ZNF565: variants seen among roughly 807,000 people sequenced by gnomAD.
ZNF565 encodes the protein zinc finger protein 565.
Under a neutral mutation model 39.4 loss-of-function variants are expected in ZNF565, and 27 were observed. The observed-to-expected ratio is 0.69, with a 90% CI of 0.51 to 0.95. The LOEUF (loss-of-function observed/expected upper bound fraction) is 0.95. Among genes scored for constraint, ZNF565 ranks in the 40% least tolerant of loss-of-function variants. The pLI, the probability that ZNF565 is intolerant of heterozygous loss-of-function variation, is 0.00. For synonymous variants in ZNF565, 185 were observed against 216.6 expected (o/e 0.85, Z 1.28); for missense variants, 524 against 621.1 (o/e 0.84, Z 1.66).
chr19:36,237,185 TTCTC>T (rs750858591), intron 1 of ZNF565: 1 of 1,614,160 alleles, frequency 6.2e-7, no homozygotes, highest in Non-Finnish European at 8.5e-7. Context: ...TGGGAAAGCT[TTCTC>T]TCAGTTCTCA....
chr19:36,197,234 TGCACTCCA>T (rs1975793868), intron 2 of ZNF565, among the ~76,000 whole-genome samples: 1 of 152,000 alleles, frequency 6.6e-6, no homozygotes, highest in Non-Finnish European at 1.5e-5. Flanking sequence ...ATTGTGCTAC[TGCACTCCA>T]GCCTGGGTGA....
At chr19:36,229,499 T>C (rs1424079030) in intron 1 of ZNF565, among the ~76,000 whole-genome samples, 2 of 152,208 alleles carry the variant, frequency 1.3e-5, no homozygotes, top group Non-Finnish European at 2.9e-5. Context: ...TCTTGACTCT[T>C]AGTCCTGCAG....
At chr19:36,204,721 G>A (rs1489987778) in intron 1 of ZNF565, among the ~76,000 whole-genome samples, 5 of 152,180 alleles carry the variant, frequency 3.3e-5, no homozygotes, top group African/African-American at 9.7e-5. Flanking sequence ...CAGGTGTGGT[G>A]GCTCACGCCT....
At chr19:36,239,369 G>A (rs2145477725) in intron 1 of ZNF565, among the ~76,000 whole-genome samples, 1 of 147,370 alleles carries the variant, frequency 6.8e-6, no homozygotes, top group South Asian at 2.1e-4. Context: ...GCCCAGGCCA[G>A]AATACCATGG....
rs1039260735 is a variant in ZNF565, at chr19:36,213,282, C to T, written c.-66+1340G>A. The T allele has an allele frequency of 4.6e-5, 7 of 152,472 alleles. No homozygotes were observed. The South Asian group carries it at 8.2e-4, about 18-fold the overall frequency. The allele number at this position is 152,472 out of a possible 1,614,324, so 9.4% of individuals were successfully genotyped here. On this transcript the variant is annotated intron_variant, in intron 1 of 4. Coordinates refer to ENST00000304116, the MANE Select transcript of ZNF565 (RefSeq NM_152477.5). ...CTGGAATGCAGTGGTTCAAACACGG[C>T]TCACTGCAGCCTTGACCTCTCAAGC...
intron 1 of ZNF565, among the ~76,000 whole-genome samples, chr19:36,214,210 C>A (rs1303164974): frequency 6.6e-6 from 1 of 151,972 alleles, no homozygotes. Flanking sequence ...ACCACACAGT[C>A]ACAGGCACAG....
chr19:36,200,384 C>A (rs1293157522), intron 2 of ZNF565, among the ~76,000 whole-genome samples: 7 of 151,940 alleles, frequency 4.6e-5, no homozygotes, highest in Non-Finnish European at 4.4e-5. Flanking sequence ...ATATCAGTAA[C>A]ATACATTTTA....
chr19:36,223,845 AT>A (rs1401936383), intron 1 of ZNF565, among the ~76,000 whole-genome samples: 2 of 150,636 alleles, frequency 1.3e-5, no homozygotes, highest in African/African-American at 5.0e-5. Flanking sequence ...ATCCTCGCTA[AT>A]TTAAAAAAAA....
At position 36,207,736 on chromosome 19, in the gene ZNF565, T is replaced by A. The variant is rs73038029; in HGVS notation, c.-65-5686A>T. Among the ~76,000 whole-genome samples, 950 of 152,240 alleles carry A rather than the reference T, an allele frequency of 6.2e-3. 7 individuals carry two copies. Among genetic ancestry groups the A allele is most frequent in the Non-Finnish European group, 0.011 (719 of 68,022 alleles). On this transcript the variant is annotated intron_variant, in intron 1 of 4. Coordinates refer to ENST00000304116, the MANE Select transcript of ZNF565 (RefSeq NM_152477.5). ...TAGGGCCATGCACTGCTCTAGCCAA[T>A]GAAATCTCAGCTGAGGTGATGACTG...
At chr19:36,225,477 T>C (rs564852954) in intron 1 of ZNF565, among the ~76,000 whole-genome samples, 3 of 152,300 alleles carry the variant, frequency 2.0e-5, no homozygotes, top group East Asian at 3.9e-4. Context: ...TTTTGTTATG[T>C]TTCAGTTTTC....
intron 4 of ZNF565, among the ~76,000 whole-genome samples, chr19:36,184,195 T>G (rs754314615): frequency 2.3e-4 from 34 of 149,632 alleles, no homozygotes; most frequent in African/African-American, 8.2e-4. Flanking sequence ...AAAAAGCAGA[T>G]GAAAGCACAC....
chr19:36,245,652 T>C lies in ZNF565; in HGVS notation c.-122A>G, dbSNP rs1454035066. On this transcript the variant is annotated 5_prime_UTR_variant, in exon 1 of 5. Coordinates refer to the ZNF565 transcript ENST00000355114. This position sits in a 1 kb window ranked among gnomAD's most constrained non-coding sequence, Gnocchi z 4.4. ...TGCCCGAATTGGTGCTTTGGCAGAG[T>C]CTCTGGTGCCCGGGTGAATGGGTTC... is the stretch of plus-strand genomic sequence containing the variant. The C allele has an allele frequency of 5.8e-6, 4 of 686,956 alleles. No individual in the cohort carries two copies. The highest frequency in any genetic ancestry group is 5.3e-5 in the African/African-American group (3 of 56,814). 42.6% of individuals were successfully genotyped at this position (686,956 alleles called of 1,614,324 possible).
At chr19:36,230,871 G>T (rs1258543667) in intron 1 of ZNF565, among the ~76,000 whole-genome samples, 1 of 151,984 alleles carries the variant, frequency 6.6e-6, no homozygotes, top group Non-Finnish European at 1.5e-5. Context: ...GTGCGATCTC[G>T]GCTCACTGCA....
chr19:36,196,927 G>C (rs1041517673), intron 2 of ZNF565, among the ~76,000 whole-genome samples: 3 of 152,090 alleles, frequency 2.0e-5, no homozygotes, highest in African/African-American at 7.2e-5. Context: ...CGTGGTGGCA[G>C]GTGCCTGTAA....
intron 4 of ZNF565, among the ~76,000 whole-genome samples, chr19:36,184,781 T>C (rs1004572614): frequency 2.6e-5 from 4 of 152,150 alleles, no homozygotes; most frequent in African/African-American, 9.7e-5. Context: ...AATGAAAATC[T>C]CTGCTTAAAC....
chr19:36,206,631 G>T (rs994817233), intron 1 of ZNF565, among the ~76,000 whole-genome samples: 1 of 152,130 alleles, frequency 6.6e-6, no homozygotes, highest in African/African-American at 2.4e-5. Context: ...AGAAGTTCTA[G>T]ACCAGCCTGG....
At chr19:36,239,124 G>A (rs909863725) in intron 1 of ZNF565, among the ~76,000 whole-genome samples, 1 of 152,124 alleles carries the variant, frequency 6.6e-6, no homozygotes, top group Admixed American at 6.6e-5. Flanking sequence ...GTTGGGGACC[G>A]CTGCACTATA....
intron 4 of ZNF565, among the ~76,000 whole-genome samples, chr19:36,184,246 A>G (rs1303665495): frequency 6.6e-6 from 1 of 151,858 alleles, no homozygotes; most frequent in Non-Finnish European, 1.5e-5. Context: ...GAGCAAGAAG[A>G]CAAATTAAGC....
rs2029883564 is a variant in ZNF565 at position 36,245,022 on chromosome 19, C to T, written c.55+454G>A. Among the ~76,000 whole-genome samples, 1 of 152,050 alleles carries T rather than the reference C, an allele frequency of 6.6e-6. No individual in the cohort carries two copies. Among genetic ancestry groups the T allele is most frequent in the Non-Finnish European group, 1.5e-5 (1 of 68,020 alleles). ...TTGTTGTGTTTTGTTTTCTTGAATC[C>T]CTACTGTTCAGTGGCTAGGCTAGAA... On this transcript the variant is annotated intron_variant, in intron 1 of 4. Transcript: ENST00000355114. The surrounding 1 kb of genome is among the most constrained non-coding windows in gnomAD (Gnocchi z 4.4).
Sources: gnomAD v4.1 joint callset for allele counts (sites outside exome capture counted in the v4.1 genomes callset) on GRCh38, gnomAD v4.1.1 for gene constraint, Gnocchi (gnomAD v3.1) non-coding constraint, MANE v1.5 for transcripts, NCBI Gene and HGNC (gene_info 2026-07-23, HGNC 2026-07-21) for gene names.